Variants in VANGL1 observed in about 807,000 individuals in gnomAD.
VANGL1 encodes VANGL planar cell polarity protein 1, also known as vang-like protein 1.
Under a neutral mutation model 48.4 loss-of-function variants are expected in VANGL1, and 18 were observed. The ratio of observed to expected loss-of-function variants is 0.37; its 90% confidence interval spans 0.26 to 0.55. The LOEUF (loss-of-function observed/expected upper bound fraction) is 0.55. VANGL1 is among the 20% of genes least tolerant of loss of function. The pLI, the probability that VANGL1 is intolerant of heterozygous loss-of-function variation, is 0.81. For synonymous variants in VANGL1, 257 were observed against 261.8 expected (o/e 0.98, Z 0.18); for missense variants, 667 against 675.8 (o/e 0.99, Z 0.14).
At chr1:115,672,240 T>C (rs1376201217) in intron 4 of VANGL1, among the ~76,000 whole-genome samples, 1 of 152,182 alleles carries the variant, frequency 6.6e-6, no homozygotes, top group Non-Finnish European at 1.5e-5. Flanking sequence ...CGCTCTGGGA[T>C]TAGATATCCT....
Position 115,691,235 on chromosome 1 carries a change from T to C in VANGL1, c.1431T>C (p.Asp477=). The C allele has an allele frequency of 6.2e-7, 1 of 1,614,118 alleles. No individual in the cohort carries two copies. Among genetic ancestry groups the C allele is most frequent in the Non-Finnish European group, 8.5e-7 (1 of 1,180,014 alleles). ...SDEAVTNGLR[D]GIVFVLKCLD... ...AGGCTGTGACTAATGGATTACGGGA[T>C]GGAATTGTGTTCGTCCTTAAGTGCT... Residue 477 remains aspartate (D), a synonymous_variant, in exon 8 of 8, where the codon GAT becomes GAC. Transcript: ENST00000355485.
At chr1:115,667,620 C>T (rs1176462994) in intron 4 of VANGL1, among the ~76,000 whole-genome samples, 7 of 152,150 alleles carry the variant, frequency 4.6e-5, no homozygotes, top group East Asian at 1.9e-4. Context: ...TGCATCACAC[C>T]GCTTACCCCA....
intron 4 of VANGL1, among the ~76,000 whole-genome samples, chr1:115,674,176 CCTGGT>C (rs1653083079): frequency 6.6e-6 from 1 of 152,172 alleles, no homozygotes; most frequent in African/African-American, 2.4e-5. Context: ...GCCTGTTGTC[CCTGGT>C]GTGACCATCA....
rs148287351 is a variant in VANGL1 at position 115,661,052 on chromosome 1, A to G, written c.204+1279A>G. Among the ~76,000 whole-genome samples the G allele has an allele frequency of 2.9e-3, 443 of 152,262 alleles. 1 individual carries two copies. The highest frequency in any genetic ancestry group is 0.01 in the African/African-American group (421 of 41,550). On this transcript the variant is annotated intron_variant, in intron 3 of 7. Coordinates refer to ENST00000355485, the MANE Select transcript of VANGL1 (RefSeq NM_138959.3). The stretch of plus-strand genomic sequence containing the variant: ...GCATCTCCTCTGCACCTCGTAGCTG[A>G]GAACACTTTGAGAAGCTCTTGGTGT...
chr1:115,654,498 T>TA (rs869142756), intron 2 of VANGL1, among the ~76,000 whole-genome samples: 23,171 of 90,628 alleles, frequency 0.26, 2,757 homozygotes, highest in Middle Eastern at 0.31. Context: ...TTGGTAGGGC[T>TA]AAAAAAAAAA....
At chr1:115,658,983 A>C (rs1652446885) in intron 2 of VANGL1, among the ~76,000 whole-genome samples, 1 of 151,740 alleles carries the variant, frequency 6.6e-6, no homozygotes, top group African/African-American at 2.4e-5. Flanking sequence ...ATCCACCCAC[A>C]CACCCTCCAC....
rs909907170 is a variant in VANGL1, at chr1:115,696,686, ATTTGT to A, written c.*5313_*5317del. 2 of 152,126 alleles carry A rather than the reference ATTTGT, an allele frequency of 1.3e-5. No individual in the cohort carries two copies. Among genetic ancestry groups the A allele is most frequent in the African/African-American group, 4.8e-5 (2 of 41,410 alleles). The allele number at this position is 152,126 out of a possible 1,614,324, so 9.4% of individuals were successfully genotyped here. ...GTTCCGTTTCTACGTAGATAACCCA[ATTTGT>A]TTTGTCTATGAAATAAGCCTCTTTA... On this transcript the variant is annotated 3_prime_UTR_variant, in exon 8 of 8. Transcript: ENST00000355485.
At position 115,663,573 on chromosome 1, in the gene VANGL1, G is replaced by A; in HGVS notation, c.205-88G>A. The A allele has an allele frequency of 4.5e-6, 7 of 1,560,976 alleles. No homozygotes were observed. In the South Asian group the frequency reaches 7.9e-5, roughly 18 times the overall value. On this transcript the variant is annotated intron_variant, in intron 3 of 7. Transcript: ENST00000355485. ...AAGCCTTTGTGAATAGGGCTGGGTA[G>A]ATGCAGCGGGCCCTGCATGTTCACT...
Position 115,664,132 on chromosome 1 carries a change from CT to C in VANGL1, c.678del (p.Val227TrpfsTer44). On this transcript the variant is annotated frameshift_variant, in exon 4 of 8. Transcript: ENST00000355485. LOFTEE classifies it high-confidence loss of function. ...GGGCATTGTGCAATATGCAGTCTCC[CT>C]TGTGGATGCCCTCCTCTTCATCCAT... ...YQGIVQYAVS[L>X]VDALLFIHYL... is the part of the protein sequence containing the mutation. 1 of 1,614,182 alleles carries C rather than the reference CT, an allele frequency of 6.2e-7. No individual in the cohort carries two copies. Among genetic ancestry groups the C allele is most frequent in the Non-Finnish European group, 8.5e-7 (1 of 1,180,034 alleles).
At chr1:115,671,750 G>A (rs1447553773) in intron 4 of VANGL1, among the ~76,000 whole-genome samples, 1 of 152,196 alleles carries the variant, frequency 6.6e-6, no homozygotes. Context: ...CCTACAAGCA[G>A]GGCTGCATGC....
At chr1:115,672,282 G>A (rs1053502697) in intron 4 of VANGL1, among the ~76,000 whole-genome samples, 1 of 152,154 alleles carries the variant, frequency 6.6e-6, no homozygotes, top group African/African-American at 2.4e-5. Flanking sequence ...ATCTTTCAGT[G>A]GGGATACCCT....
At chr1:115,683,646 A>G (rs1026381627) in intron 5 of VANGL1, among the ~76,000 whole-genome samples, 4 of 152,160 alleles carry the variant, frequency 2.6e-5, no homozygotes, top group African/African-American at 9.7e-5. Context: ...AGCACACTCT[A>G]TGTGTTGTTT....
At chr1:115,654,498 TAAA>T (rs869142756) in intron 2 of VANGL1, among the ~76,000 whole-genome samples, 9 of 90,816 alleles carry the variant, frequency 9.9e-5, no homozygotes, top group African/African-American at 9.3e-5. Flanking sequence ...TTGGTAGGGC[TAAA>T]AAAAAAAAAA....
At chr1:115,662,310 T>C (rs1188710545) in intron 3 of VANGL1, among the ~76,000 whole-genome samples, 1 of 152,224 alleles carries the variant, frequency 6.6e-6, no homozygotes, top group African/African-American at 2.4e-5. Context: ...ACTAGCTTTT[T>C]CTAAGTTGGT....
intron 4 of VANGL1, among the ~76,000 whole-genome samples, chr1:115,681,489 C>T (rs1653381763): frequency 7.4e-6 from 1 of 134,428 alleles, no homozygotes; most frequent in South Asian, 2.6e-4. Flanking sequence ...AGCGGAGGCT[C>T]TCTTTTTTTT....
chr1:115,683,586 C>T (rs889685798), intron 5 of VANGL1, among the ~76,000 whole-genome samples: 1 of 152,174 alleles, frequency 6.6e-6, no homozygotes. Flanking sequence ...GATGTCCCAG[C>T]CGCCCTTATG....
intron 2 of VANGL1, among the ~76,000 whole-genome samples, chr1:115,659,142 T>G (rs1344868227): frequency 6.6e-6 from 1 of 152,172 alleles, no homozygotes; most frequent in African/African-American, 2.4e-5. Context: ...ATTTCCTTTC[T>G]TCTGTTGTCC....
In VANGL1 at chr1:115,685,471, A is replaced by T; in HGVS notation, c.1258A>T (p.Met420Leu). 6.2e-7 allele frequency: 1 copy of T among 1,614,148 alleles called. No homozygotes were observed. Among genetic ancestry groups the T allele is most frequent in the African/African-American group, 1.3e-5 (1 of 75,066 alleles). Residue 420 changes from methionine (M) to leucine (L), a missense_variant, in exon 7 of 8, where the codon ATG (methionine) becomes TTG (leucine). Transcript: ENST00000355485. Reference protein sequence around the residue: ...RITRQQNYHSMESILQHLAFC... With the variant: ...RITRQQNYHSLESILQHLAFC... ...CACCCGGCAGCAGAACTACCACAGC[A>T]TGGAGAGCATCCTGCAGCACCTGGC... is the stretch of plus-strand genomic sequence containing the variant.
rs1651749571 is a variant in VANGL1 at position 115,641,975 on chromosome 1, A to G, written c.-249A>G. On this transcript the variant is annotated 5_prime_UTR_variant, in exon 1 of 8. Transcript: ENST00000355485. ...GACAGGAAGCGGAAAGCAGCAGTGCAGCGGCGGCGGCGGCGGGGCTCTGCC... is the reference window on the plus strand; with the variant it reads ...GACAGGAAGCGGAAAGCAGCAGTGCGGCGGCGGCGGCGGCGGGGCTCTGCC... 1.3e-5 allele frequency: 2 copies of G among 151,122 alleles called. No individual in the cohort carries two copies. Among genetic ancestry groups the G allele is most frequent in the Non-Finnish European group, 3.0e-5 (2 of 67,676 alleles). The allele number at this position is 151,122 out of a possible 1,614,324, so 9.4% of individuals were successfully genotyped here.
Sources: allele counts gnomAD v4.1 joint callset (sites outside exome capture counted in the v4.1 genomes callset), GRCh38; gene constraint gnomAD v4.1.1; transcripts MANE v1.5; gene names NCBI Gene and HGNC (gene_info 2026-07-23, HGNC 2026-07-21).